MAP4: variants seen among roughly 807,000 people sequenced by gnomAD.
The protein encoded by MAP4 is microtubule associated protein 4.
In MAP4, 76 loss-of-function variants were observed where a neutral mutation model predicts 170.2. That is an observed-to-expected ratio of 0.45 (90% CI 0.37 to 0.54). MAP4 has a LOEUF of 0.54. Among genes scored for constraint, MAP4 ranks in the 20% least tolerant of loss-of-function variants. The probability of loss-of-function intolerance (pLI) is 0.00; values close to 1 mark genes in which losing one functional copy is unlikely to be tolerated. For missense variants in MAP4, 2,506 were observed against 2,748.0 expected (o/e 0.91, Z 1.97); for synonymous variants, 909 against 994.5 (o/e 0.91, Z 1.62).
chr3:48,087,173 A>C lies in MAP4; in HGVS notation c.-20+1600T>G, dbSNP rs1038164607. Among the ~76,000 whole-genome samples, 7 of 152,352 alleles carry C rather than the reference A, an allele frequency of 4.6e-5. No individual in the cohort carries two copies. In the East Asian group the frequency reaches 1.3e-3, roughly 29 times the overall value. ...TTGAAAAGTAGTAGTACGGATCAGC[A>C]AACTACGTTAATTTAAAAGACACAG... On this transcript the variant is annotated intron_variant, in intron 1 of 18. Transcript: ENST00000360240.
In MAP4 at chr3:48,015,149, C is replaced by A. The variant is rs372450918; in HGVS notation, c.-20+1185G>T. On this transcript the variant is annotated intron_variant, in intron 1 of 20. Transcript: ENST00000683076. ...ACTTTCTTCTCAGTGACCTAGGCTA[C>A]TTTGAGGCAAATCATTTTGAGTTCC... 7.9e-5 allele frequency among the ~76,000 whole-genome samples: 12 copies of A among 152,198 alleles called. No individual in the cohort carries two copies. In the East Asian group the frequency reaches 2.3e-3, roughly 29 times the overall value.
chr3:48,073,942 C>A (rs1211481019), intron 1 of MAP4, among the ~76,000 whole-genome samples: 1 of 152,088 alleles, frequency 6.6e-6, no homozygotes. Context: ...TTTGACCCAG[C>A]GATCCCATTA....
intron 3 of MAP4, among the ~76,000 whole-genome samples, chr3:47,949,419 T>C (rs2100062196): frequency 6.9e-6 from 1 of 144,872 alleles, no homozygotes; most frequent in South Asian, 2.2e-4. Flanking sequence ...TGAGCCGAGA[T>C]TGTCCCACTG....
intron 10 of MAP4, among the ~76,000 whole-genome samples, chr3:47,878,801 G>A (rs1363048516): frequency 1.3e-5 from 2 of 152,160 alleles, no homozygotes; most frequent in Admixed American, 6.5e-5. Context: ...GCCTCCCAAA[G>A]TGCTGGGATT....
intron 10 of MAP4, among the ~76,000 whole-genome samples, chr3:47,889,156 T>G (rs913266092): frequency 6.6e-6 from 1 of 151,988 alleles, no homozygotes; most frequent in Non-Finnish European, 1.5e-5. Context: ...GAGAATGGAG[T>G]ACATGTGCAG....
chr3:48,066,864 G>A (rs1240118094), intron 1 of MAP4, among the ~76,000 whole-genome samples: 5 of 98,000 alleles, frequency 5.1e-5, no homozygotes, highest in Admixed American at 1.6e-4. Flanking sequence ...TTTTTGAGAC[G>A]GAGTCTCGCT....
At chr3:47,922,459 A>G (rs2100043482) in intron 4 of MAP4, among the ~76,000 whole-genome samples, 1 of 152,218 alleles carries the variant, frequency 6.6e-6, no homozygotes, top group South Asian at 2.1e-4. Flanking sequence ...GCTCAGCTGT[A>G]TAACAAACAC....
At chr3:48,027,516 G>C (rs1354444282) in intron 1 of MAP4, among the ~76,000 whole-genome samples, 1 of 152,104 alleles carries the variant, frequency 6.6e-6, no homozygotes, top group Non-Finnish European at 1.5e-5. Flanking sequence ...TCCAAAATCA[G>C]TAATCTTTGA....
In MAP4 at chr3:47,992,452, G is replaced by T. The variant is rs760138450; in HGVS notation, c.223+6186C>A. Reference sequence around the variant, plus strand: ...TATTATTATTATTTTTAGAGACGGGGTCTCTCTCTGTCACCCAGGCTGCAG... The same window carrying T: ...TATTATTATTATTTTTAGAGACGGGTTCTCTCTCTGTCACCCAGGCTGCAG... On this transcript the variant is annotated intron_variant, in intron 2 of 20. Transcript: ENST00000683076. Among the ~76,000 whole-genome samples the T allele has an allele frequency of 9.9e-4, 150 of 152,054 alleles. 1 individual carries two copies. The highest frequency in any genetic ancestry group is 2.0e-3 in the Non-Finnish European group (137 of 67,988).
At chr3:47,949,465 CAAAA>C (rs60076214) in intron 3 of MAP4, among the ~76,000 whole-genome samples, 1 of 70,888 alleles carries the variant, frequency 1.4e-5, no homozygotes. Context: ...GACTGCGTCC[CAAAA>C]AAAAAAAAAA....
chr3:47,852,747 C>A lies in MAP4; in HGVS notation c.*187G>T. On this transcript the variant is annotated 3_prime_UTR_variant, in exon 21 of 21. Coordinates refer to ENST00000683076, the MANE Select transcript of MAP4 (RefSeq NM_001385682.1). Reference sequence around the variant, plus strand: ...CGGGCACGCAAAGCAGGAGGGAAGGCGAGCCTAGCGGGCTGCCCAGCACGG... The same window carrying A: ...CGGGCACGCAAAGCAGGAGGGAAGGAGAGCCTAGCGGGCTGCCCAGCACGG... 1 of 1,535,124 alleles carries A rather than the reference C, an allele frequency of 6.5e-7. No individual in the cohort carries two copies. The highest frequency in any genetic ancestry group is 1.2e-5 in the South Asian group (1 of 82,940).
At chr3:47,865,523 T>C (rs191539278) in intron 17 of MAP4, among the ~76,000 whole-genome samples, 10 of 152,244 alleles carry the variant, frequency 6.6e-5, no homozygotes, top group Admixed American at 5.9e-4. Context: ...GAAGGAGTTG[T>C]GTGGGGCAAG....
chr3:47,877,270 A>C (rs1347718679), intron 11 of MAP4, 147 bp downstream of exon 11: 1 of 635,668 alleles, frequency 1.6e-6, no homozygotes, highest in Non-Finnish European at 2.8e-6. Flanking sequence ...TGAGAATACA[A>C]GATATTTTCT....
chr3:47,965,912 G>A (rs945887272), intron 3 of MAP4, among the ~76,000 whole-genome samples: 2 of 151,742 alleles, frequency 1.3e-5, no homozygotes, highest in Non-Finnish European at 2.9e-5. Context: ...TTCTTTTGTC[G>A]TCTGTGTTTT....
intron 10 of MAP4, among the ~76,000 whole-genome samples, chr3:47,879,675 A>AACC (rs35249173): frequency 2.0e-5 from 3 of 151,836 alleles, no homozygotes; most frequent in African/African-American, 4.8e-5. Flanking sequence ...AGCTTTGTGT[A>AACC]ACCACCACCA....
chr3:47,891,722 A>G, intron 10 of MAP4: 3 of 1,536,666 alleles, frequency 2.0e-6, no homozygotes, highest in Non-Finnish European at 2.6e-6. Flanking sequence ...CTGGGTGAAC[A>G]CCATAGTGAT....
chr3:47,915,682 T>A (rs965432367), intron 7 of MAP4, among the ~76,000 whole-genome samples: 2 of 152,048 alleles, frequency 1.3e-5, no homozygotes, highest in African/African-American at 4.8e-5. Context: ...GGGTAGATAA[T>A]GGAATAGAAG....
At chr3:47,965,356 A>C (rs2100074223) in intron 3 of MAP4, among the ~76,000 whole-genome samples, 1 of 152,218 alleles carries the variant, frequency 6.6e-6, no homozygotes, top group Non-Finnish European at 1.5e-5. Context: ...ATGCTGCTAC[A>C]AACATGAGTG....
In MAP4 at chr3:47,852,777, C is replaced by T. The variant is rs768209837; in HGVS notation, c.*157G>A. ...CTAGCGGGCTGCCCAGCACGGCGCCCAAGCGCTCACTGGTCTAGTGGACAG... is the reference window on the plus strand; with the variant it reads ...CTAGCGGGCTGCCCAGCACGGCGCCTAAGCGCTCACTGGTCTAGTGGACAG... On this transcript the variant is annotated 3_prime_UTR_variant, in exon 21 of 21. Transcript: ENST00000683076. The T allele has an allele frequency of 2.2e-5, 34 of 1,546,800 alleles. 1 individual carries two copies. In the South Asian group the frequency reaches 4.0e-4, roughly 18 times the overall value.
Sources: gnomAD v4.1 joint callset for allele counts (sites outside exome capture counted in the v4.1 genomes callset) on GRCh38, gnomAD v4.1.1 for gene constraint, MANE v1.5 for transcripts, NCBI Gene and HGNC (gene_info 2026-07-23, HGNC 2026-07-21) for gene names.